RPLP0: variants seen among roughly 807,000 people sequenced by gnomAD.
RPLP0 encodes the protein ribosomal protein lateral stalk subunit P0, also known as large ribosomal subunit protein uL10.
For missense variants in RPLP0, 276 were observed against 402.9 expected (o/e 0.69, Z 2.70); for synonymous variants, 137 against 153.4 (o/e 0.89, Z 0.79).
At chr12:120,200,331 C>A (rs112019961) in intron 2 of RPLP0, 1 of 328,888 alleles carries the variant, frequency 3.0e-6, no homozygotes, top group Non-Finnish European at 6.0e-6. Flanking sequence ...GGTGTGGTGT[C>A]GCGCCCCTGT....
At chr12:120,200,621 T>C (rs1448669435) in intron 2 of RPLP0, 109 bp downstream of exon 2, 24 of 1,209,942 alleles carry the variant, frequency 2.0e-5, no homozygotes, top group African/African-American at 3.1e-5. Context: ...TTCCCAAAAA[T>C]GGCCTAATTC....
rs1341885325 is a variant in RPLP0, at chr12:120,198,531, G to C, written c.651+23C>G. The C allele has an allele frequency of 1.2e-6, 2 of 1,613,948 alleles. No homozygotes were observed. The highest frequency in any genetic ancestry group is 1.7e-6 in the Non-Finnish European group (2 of 1,179,858). Reference sequence around the variant, plus strand: ...ATGCTCTCAACCATCAGTGTAAGAGGGGGCAAGGCTGACAGCATATACCTC... The same window carrying C: ...ATGCTCTCAACCATCAGTGTAAGAGCGGGCAAGGCTGACAGCATATACCTC... On this transcript the variant is annotated intron_variant, in intron 6 of 7. Coordinates refer to ENST00000392514, the MANE Select transcript of RPLP0 (RefSeq NM_001002.4). The surrounding 1 kb of genome is among the most constrained non-coding windows in gnomAD (Gnocchi z 4.1).
At position 120,200,723 on chromosome 12, in the gene RPLP0, C is replaced by A. The variant is rs535872908; in HGVS notation, c.54+7G>T. On this transcript the variant is annotated splice_region_variant and intron_variant, in intron 2 of 7. Transcript: ENST00000392514. ...TGAAGAGCAGAGGCGACCCACCCTG[C>A]ACTTACGATGATCTTAAGGAAGTAG... 2.5e-6 allele frequency: 4 copies of A among 1,609,926 alleles called. No individual in the cohort carries two copies. The African/African-American group carries it at 5.3e-5, about 22-fold the overall frequency.
chr12:120,198,210 C>A lies in RPLP0; in HGVS notation c.651+344G>T. 1 of 299,786 alleles carries A rather than the reference C, an allele frequency of 3.3e-6. No individual in the cohort carries two copies. The highest frequency in any genetic ancestry group is 1.2e-3 in the Middle Eastern group (1 of 816). 18.6% of individuals were successfully genotyped at this position (299,786 alleles called of 1,614,324 possible). On this transcript the variant is annotated intron_variant, in intron 6 of 7. Transcript: ENST00000392514. The surrounding 1 kb of genome is among the most constrained non-coding windows in gnomAD (Gnocchi z 4.1). ...GAGATCGACACCATCCTGGCTAACG[C>A]GGTGAAACCTAAAAATACAAAAAAA... is the stretch of plus-strand genomic sequence containing the variant.
Position 120,198,900 on chromosome 12 carries a change from G to C in RPLP0, c.419C>G (p.Ala140Gly), listed in dbSNP as rs1879290331. Residue 140 changes from alanine to glycine, a missense_variant, in exon 5 of 8, where the codon GCT (alanine) becomes GGT (glycine). By Grantham distance (60) the Ala-to-Gly change is moderately conservative. Coordinates refer to ENST00000392514, the MANE Select transcript of RPLP0 (RefSeq NM_001002.4). The surrounding 1 kb of genome is among the most constrained non-coding windows in gnomAD (Gnocchi z 4.1). ...LGPEKTSFFQ[A>G]LGITTKISRG... ...GGAGATTTTAGTGGTGATACCTAAA[G>C]CCTGGAAAAAGGAGGTCTTCTCGGG... 6.2e-7 allele frequency: 1 copy of C among 1,613,818 alleles called. No individual in the cohort carries two copies. Among genetic ancestry groups the C allele is most frequent in the African/African-American group, 1.3e-5 (1 of 74,904 alleles).
At chr12:120,197,288 C>T (rs1196810102) in intron 7 of RPLP0, 34 bp downstream of exon 7, 1 of 1,597,674 alleles carries the variant, frequency 6.3e-7, no homozygotes, top group Non-Finnish European at 8.6e-7. Flanking sequence ...TTGTCACAGT[C>T]AGGCCCACTG....
At chr12:120,199,085 A>C (rs1879295890) in intron 4 of RPLP0, 33 bp downstream of exon 4, 2 of 1,610,818 alleles carry the variant, frequency 1.2e-6, no homozygotes, top group African/African-American at 2.7e-5. Flanking sequence ...AGCAACAACA[A>C]AGTCTCTTTA....
Position 120,198,539 on chromosome 12 carries a change from G to C in RPLP0, c.651+15C>G. ...AACCATCAGTGTAAGAGGGGGCAAG[G>C]CTGACAGCATATACCTCCAGGAAGC... On this transcript the variant is annotated intron_variant, in intron 6 of 7. Transcript: ENST00000392514. This position sits in a 1 kb window ranked among gnomAD's most constrained non-coding sequence, Gnocchi z 4.1. The C allele has an allele frequency of 3.7e-6, 6 of 1,614,002 alleles. No homozygotes were observed. The highest frequency in any genetic ancestry group is 1.3e-5 in the African/African-American group (1 of 75,026).
intron 2 of RPLP0, 63 bp from the exon 3 acceptor site, chr12:120,199,548 G>C: frequency 6.6e-7 from 1 of 1,515,024 alleles, no homozygotes; most frequent in Non-Finnish European, 8.9e-7. Context: ...AATGCCAGAA[G>C]AAACTGAACC....
intron 2 of RPLP0, 43 bp from the exon 3 acceptor site, chr12:120,199,528 A>G: frequency 1.4e-5 from 22 of 1,584,688 alleles, no homozygotes; most frequent in Non-Finnish European, 1.8e-5. Flanking sequence ...ACAGGAAGAG[A>G]GAGGGAAAAA....
chr12:120,201,028 C>T lies in RPLP0; in HGVS notation c.-49+55G>A, dbSNP rs1446719985. On this transcript the variant is annotated intron_variant, in intron 1 of 7. Transcript: ENST00000392514. ...CCATGTTCCCAAAGGCCCCCAAAGA[C>T]CCCTCCATGCTTCCCGCCGGCGACC... The T allele has an allele frequency of 4.4e-5, 22 of 503,728 alleles. No individual in the cohort carries two copies. In the Admixed American group the frequency reaches 8.9e-4, roughly 20 times the overall value. 31.2% of individuals were successfully genotyped at this position (503,728 alleles called of 1,614,324 possible).
chr12:120,199,890 T>C, intron 2 of RPLP0: 1 of 386,350 alleles, frequency 2.6e-6, no homozygotes, highest in South Asian at 1.9e-5. Context: ...GTAAAAACAA[T>C]CTAGGCGTGT....
chr12:120,200,009 G>A (rs1462893907), intron 2 of RPLP0: 9 of 455,984 alleles, frequency 2.0e-5, no homozygotes, highest in Non-Finnish European at 3.5e-5. Flanking sequence ...TTGCTTAAGC[G>A]CAGTACAGTC....
At chr12:120,197,556 T>C (rs1354895198) in intron 6 of RPLP0, 94 bp from the exon 7 acceptor site, 1 of 1,458,514 alleles carries the variant, frequency 6.9e-7, no homozygotes, top group Non-Finnish European at 9.4e-7. Flanking sequence ...CAGACAATAA[T>C]TGCCAGGTTG....
rs753254215 is a variant in RPLP0 at position 120,198,606 on chromosome 12, T to C, written c.599A>G (p.Asn200Ser). Reference protein sequence around the residue: ...QQVFDNGSIYNPEVLDITEET... With the variant: ...QQVFDNGSIYSPEVLDITEET... ...CTCTGTGATATCAAGCACTTCAGGGTTGTAGATGCTGCCATTGTCGAACAC... is the reference window on the plus strand; with the variant it reads ...CTCTGTGATATCAAGCACTTCAGGGCTGTAGATGCTGCCATTGTCGAACAC... Residue 200 changes from asparagine (N) to serine (S), a missense_variant, in exon 6 of 8, where the codon AAC (asparagine) becomes AGC (serine). Physicochemically the swap from Asn to Ser is conservative, Grantham distance 46 (BLOSUM62 1). Coordinates refer to ENST00000392514, the MANE Select transcript of RPLP0 (RefSeq NM_001002.4). The surrounding 1 kb of genome is among the most constrained non-coding windows in gnomAD (Gnocchi z 4.1). 3.1e-6 allele frequency: 5 copies of C among 1,613,932 alleles called. No homozygotes were observed. The highest frequency in any genetic ancestry group is 4.2e-6 in the Non-Finnish European group (5 of 1,179,998).
Position 120,199,481 on chromosome 12 carries a change from A to C in RPLP0, c.59T>G (p.Leu20Arg). Residue 20 changes from leucine (L) to arginine (R), a missense_variant, in exon 3 of 8, where the codon CTA (leucine) becomes CGA (arginine). By Grantham distance (102) the Leu-to-Arg change is moderately radical (BLOSUM62 -2). Coordinates refer to ENST00000392514, the MANE Select transcript of RPLP0 (RefSeq NM_001002.4). ...GAAACATTTCGGATAATCATCCAAT[A>C]GTTGCTACAAAAAACAAGCCAGAGG... Reference protein sequence around the residue: ...KSNYFLKIIQLLDDYPKCFIV... With the variant: ...KSNYFLKIIQRLDDYPKCFIV... 6 of 1,613,726 alleles carry C rather than the reference A, an allele frequency of 3.7e-6. No individual in the cohort carries two copies. The highest frequency in any genetic ancestry group is 5.1e-6 in the Non-Finnish European group (6 of 1,179,896).
intron 2 of RPLP0, 41 bp downstream of exon 2, chr12:120,200,689 G>A (rs1879413379): frequency 1.3e-6 from 2 of 1,593,780 alleles, no homozygotes; most frequent in Non-Finnish European, 8.5e-7. Flanking sequence ...TATTTGCGCT[G>A]GGGCAACATG....
At chr12:120,197,148 CTT>C (rs930125009) in intron 7 of RPLP0, 172 bp downstream of exon 7, 3 of 1,022,964 alleles carry the variant, frequency 2.9e-6, no homozygotes, top group African/African-American at 3.2e-5. Context: ...CTTTGGGTCT[CTT>C]GTCATTTCTC....
At chr12:120,200,335 C>A (rs903354995) in intron 2 of RPLP0, 1 of 327,498 alleles carries the variant, frequency 3.1e-6, no homozygotes, top group Non-Finnish European at 6.0e-6. Flanking sequence ...TGGTGTCGCG[C>A]CCCTGTAATC....
Sources: gnomAD v4.1 joint callset for allele counts on GRCh38, gnomAD v4.1.1 for gene constraint, Gnocchi (gnomAD v3.1) non-coding constraint, MANE v1.5 for transcripts, NCBI Gene and HGNC (gene_info 2026-07-23, HGNC 2026-07-21) for gene names.